Variants in LMX1A observed in about 807,000 individuals in gnomAD.
LMX1A encodes the protein LIM homeobox transcription factor 1 alpha, also known as LIM homeobox transcription factor 1-alpha.
LMX1A carries 15 observed loss-of-function variants against 49.1 expected under a neutral mutation model. The ratio of observed to expected loss-of-function variants is 0.31; its 90% CI spans 0.20 to 0.47. LMX1A has a LOEUF of 0.47. Among genes scored for constraint, LMX1A ranks in the 20% least tolerant of loss-of-function variants. The pLI is 1.00. For missense variants in LMX1A, 372 were observed against 475.8 expected, an observed-to-expected ratio of 0.78 and a Z score of 2.03; for synonymous variants, 167 against 185.7, an observed-to-expected ratio of 0.90 and a Z score of 0.82.
At chr1:165,279,506 A>G (rs1222485943) in intron 3 of LMX1A, among the ~76,000 whole-genome samples, 1 of 152,214 alleles carries the variant, frequency 6.6e-6, no homozygotes, top group African/African-American at 2.4e-5. Context: ...CTACAATGCC[A>G]TCTGCCCTTG....
At chr1:165,338,779 A>T (rs766295220) in intron 3 of LMX1A, among the ~76,000 whole-genome samples, 22 of 152,218 alleles carry the variant, frequency 1.4e-4, no homozygotes, top group Non-Finnish European at 2.2e-4. Flanking sequence ...AAGCAGAGCC[A>T]TTGGAAAATA....
intron 4 of LMX1A, among the ~76,000 whole-genome samples, chr1:165,247,054 C>CTCT (rs1443584967): frequency 1.9e-5 from 1 of 53,228 alleles, no homozygotes; most frequent in South Asian, 9.8e-4. Flanking sequence ...TCAGCTTTTT[C>CTCT]TTTTTTTTTT....
At chr1:165,328,769 T>G (rs1655655825) in intron 3 of LMX1A, among the ~76,000 whole-genome samples, 1 of 152,234 alleles carries the variant, frequency 6.6e-6, no homozygotes, top group Non-Finnish European at 1.5e-5. Flanking sequence ...TACTCCTTTG[T>G]GTTTCTTGTC....
Position 165,219,952 on chromosome 1 carries a change from T to C in LMX1A, c.497-6139A>G, listed in dbSNP as rs560219825. 3.6e-4 allele frequency among the ~76,000 whole-genome samples: 55 copies of C among 152,240 alleles called. No individual in the cohort carries two copies. The South Asian group carries it at 1.0e-2, about 28-fold the overall frequency. On this transcript the variant is annotated intron_variant, in intron 4 of 8. Transcript: ENST00000342310. ...TAGGGAAGGGTTCACAGTGCAGGTG[T>C]CACCTGAGCTGAAAATGAATGACAC...
chr1:165,259,245 C>T (rs1167840470), intron 3 of LMX1A, among the ~76,000 whole-genome samples: 1 of 152,166 alleles, frequency 6.6e-6, no homozygotes, highest in Non-Finnish European at 1.5e-5. Context: ...AAAGGCCAAA[C>T]ACTTGAGAGG....
chr1:165,338,567 A>G (rs765210398), intron 3 of LMX1A, among the ~76,000 whole-genome samples: 5 of 152,226 alleles, frequency 3.3e-5, no homozygotes, highest in Non-Finnish European at 7.3e-5. Flanking sequence ...AGGGAAATTG[A>G]AAAATAATAC....
At chr1:165,301,505 C>T (rs1654773356) in intron 3 of LMX1A, among the ~76,000 whole-genome samples, 1 of 152,218 alleles carries the variant, frequency 6.6e-6, no homozygotes, top group African/African-American at 2.4e-5. Flanking sequence ...ACCAAGCTAA[C>T]ATTCCTGCTT....
chr1:165,327,792 G>T (rs1277470769), intron 3 of LMX1A, among the ~76,000 whole-genome samples: 1 of 152,208 alleles, frequency 6.6e-6, no homozygotes, highest in Admixed American at 6.5e-5. Flanking sequence ...GGTAGCTGCT[G>T]CCAGCAGGAA....
intron 6 of LMX1A, among the ~76,000 whole-genome samples, chr1:165,208,680 C>G (rs928179401): frequency 1.8e-4 from 27 of 148,182 alleles, no homozygotes; most frequent in Non-Finnish European, 5.9e-5. Context: ...GCTCTGTCAC[C>G]CAGGCTGGAG....
At chr1:165,256,667 C>A (rs1653251415) in intron 3 of LMX1A, among the ~76,000 whole-genome samples, 2 of 152,114 alleles carry the variant, frequency 1.3e-5, no homozygotes, top group African/African-American at 4.8e-5. Context: ...GCTCCTAAGG[C>A]AGGTTGGAAA....
intron 4 of LMX1A, among the ~76,000 whole-genome samples, chr1:165,219,265 A>C (rs957462661): frequency 6.6e-6 from 1 of 152,150 alleles, no homozygotes; most frequent in African/African-American, 2.4e-5. Context: ...AACGGCCCAT[A>C]AACAGGGCAA....
intron 3 of LMX1A, among the ~76,000 whole-genome samples, chr1:165,289,040 G>T (rs1654384133): frequency 6.6e-6 from 1 of 152,180 alleles, no homozygotes; most frequent in South Asian, 2.1e-4. Flanking sequence ...CCTGCTGGGG[G>T]TGTCTTACAA....
At chr1:165,323,432 C>T (rs1044712666) in intron 3 of LMX1A, among the ~76,000 whole-genome samples, 10 of 152,296 alleles carry the variant, frequency 6.6e-5, no homozygotes, top group South Asian at 4.1e-4. Context: ...TCAACTCACT[C>T]ATTTTACTTA....
intron 4 of LMX1A, among the ~76,000 whole-genome samples, chr1:165,230,957 T>C (rs117655932): frequency 1.3e-5 from 2 of 152,328 alleles, no homozygotes; most frequent in East Asian, 3.9e-4. Flanking sequence ...GATCATTAAC[T>C]CCATGCACTC....
rs987697849 is a variant in LMX1A at position 165,319,406 on chromosome 1, A to G, written c.263+33670T>C. On this transcript the variant is annotated intron_variant, in intron 3 of 8. Coordinates refer to ENST00000342310, the MANE Select transcript of LMX1A (RefSeq NM_177398.4). ...CACTTCTATGTTGCTAGTAACAAGC[A>G]AAATTTAAAACAGAGAAATCGAACC... is the stretch of plus-strand genomic sequence containing the variant. Among the ~76,000 whole-genome samples the G allele has an allele frequency of 3.9e-5, 6 of 152,314 alleles. No individual in the cohort carries two copies. In the South Asian group the frequency reaches 1.2e-3, roughly 32 times the overall value.
intron 3 of LMX1A, among the ~76,000 whole-genome samples, chr1:165,312,744 C>T (rs1655111417): frequency 6.6e-6 from 1 of 152,216 alleles, no homozygotes; most frequent in African/African-American, 2.4e-5. Context: ...ATCCTCCATC[C>T]CCAGCTGGTC....
chr1:165,215,275 C>CTTGGGTG, intron 4 of LMX1A, among the ~76,000 whole-genome samples: 1 of 152,172 alleles, frequency 6.6e-6, no homozygotes, highest in South Asian at 2.1e-4. Flanking sequence ...GATCACGCCA[C>CTTGGGTG]TGTACTCCAG....
intron 3 of LMX1A, among the ~76,000 whole-genome samples, chr1:165,291,708 TTTC>T (rs1474331653): frequency 1.3e-5 from 2 of 152,240 alleles, no homozygotes; most frequent in African/African-American, 4.8e-5. Flanking sequence ...TTTAAATTAC[TTTC>T]TTAAGATCAT....
chr1:165,272,048 G>A (rs952181480), intron 3 of LMX1A, among the ~76,000 whole-genome samples: 27 of 151,938 alleles, frequency 1.8e-4, no homozygotes, highest in African/African-American at 6.5e-4. Flanking sequence ...TGTGCAGGAT[G>A]TGCAGGTTTG....
Sources: gnomAD v4.1 joint callset for allele counts (sites outside exome capture counted in the v4.1 genomes callset) on GRCh38, gnomAD v4.1.1 for gene constraint, MANE v1.5 for transcripts, NCBI Gene and HGNC (gene_info 2026-07-23, HGNC 2026-07-21) for gene names.